The following ARID2 variants were observed in gnomAD, a reference collection of about 807,000 sequenced individuals.
ARID2 encodes the protein AT-rich interactive domain-containing protein 2.
ARID2 carries 32 observed loss-of-function variants against 184.6 expected under a neutral mutation model. The observed-to-expected ratio is 0.17, with a 90% CI of 0.13 to 0.23. The LOEUF (loss-of-function observed/expected upper bound fraction) is 0.23, where lower values mean the gene tolerates loss of function less well. Ranked by LOEUF, ARID2 falls within the 10% of genes least tolerant of loss-of-function variation. ARID2 has a pLI of 1.00. For synonymous variants in ARID2, 836 were observed against 772.6 expected (o/e 1.08, Z -1.36); for missense variants, 1,696 against 2,197.6 (o/e 0.77, Z 4.56).
At chr12:45,759,171 A>G (rs1277226555) in intron 3 of ARID2, among the ~76,000 whole-genome samples, 1 of 152,140 alleles carries the variant, frequency 6.6e-6, no homozygotes, top group African/African-American at 2.4e-5. Flanking sequence ...TTACTTTTTA[A>G]GTATATTGTA....
intron 16 of ARID2, among the ~76,000 whole-genome samples, chr12:45,863,259 A>G (rs996257373): frequency 6.6e-6 from 1 of 152,224 alleles, no homozygotes; most frequent in Non-Finnish European, 1.5e-5. Context: ...AGGACCTTGT[A>G]TGTCCAGGAA....
chr12:45,761,683 A>G (rs1190114730), intron 3 of ARID2, among the ~76,000 whole-genome samples: 1 of 151,520 alleles, frequency 6.6e-6, no homozygotes, highest in African/African-American at 2.4e-5. Flanking sequence ...ATTTTACTCC[A>G]GTACATTTAG....
chr12:45,754,302 T>C (rs1941522135), intron 3 of ARID2, among the ~76,000 whole-genome samples: 1 of 152,250 alleles, frequency 6.6e-6, no homozygotes, highest in African/African-American at 2.4e-5. Context: ...TAGTAGGTCG[T>C]AAAAGGCCCT....
Position 45,850,676 on chromosome 12 carries a change from A to G in ARID2, c.2553A>G (p.Pro851=), listed in dbSNP as rs1255139203. The change falls in exon 15 of 21, where the codon CCA becomes CCG. Residue 851 remains proline, a synonymous_variant. Transcript: ENST00000334344. The part of the protein sequence containing the change: ...QSQDTVIIAP[P]QYVTTSASNI... ...AAGATACTGTTATCATAGCACCCCC[A>G]CAGTATGTAACAACTTCTGCATCCA... 1 of 1,614,112 alleles carries G rather than the reference A, an allele frequency of 6.2e-7. No homozygotes were observed. The highest frequency in any genetic ancestry group is 1.1e-5 in the South Asian group (1 of 91,084).
At chr12:45,865,743 A>G (rs747280263) in intron 16 of ARID2, among the ~76,000 whole-genome samples, 5 of 151,942 alleles carry the variant, frequency 3.3e-5, no homozygotes, top group Non-Finnish European at 5.9e-5. Flanking sequence ...TTTTTCTTCA[A>G]TTTGTCACTG....
At chr12:45,747,706 G>A (rs1476944225) in intron 3 of ARID2, among the ~76,000 whole-genome samples, 1 of 152,064 alleles carries the variant, frequency 6.6e-6, no homozygotes, top group Non-Finnish European at 1.5e-5. Context: ...TTTTTGTGTG[G>A]TTTTATTAAA....
intron 16 of ARID2, among the ~76,000 whole-genome samples, chr12:45,885,449 A>G (rs1039520386): frequency 1.4e-4 from 21 of 152,162 alleles, no homozygotes; most frequent in African/African-American, 5.1e-4. Flanking sequence ...ATTTTAAGTC[A>G]GGTGAGTTTG....
intron 3 of ARID2, among the ~76,000 whole-genome samples, chr12:45,767,755 C>T (rs1941799518): frequency 6.6e-6 from 1 of 152,134 alleles, no homozygotes; most frequent in Non-Finnish European, 1.5e-5. Context: ...GTACATCTTC[C>T]TTGTTGAAGG....
chr12:45,826,190 T>G (rs1942997083), intron 6 of ARID2, among the ~76,000 whole-genome samples: 1 of 152,150 alleles, frequency 6.6e-6, no homozygotes, highest in Non-Finnish European at 1.5e-5. Context: ...GACTATATAT[T>G]AAACACTTTA....
chr12:45,837,028 G>A, intron 8 of ARID2, 37 bp downstream of exon 8: 1 of 1,586,160 alleles, frequency 6.3e-7, no homozygotes, highest in Non-Finnish European at 8.5e-7. Flanking sequence ...AGTTTTTATA[G>A]TTAGCAACAT....
At chr12:45,813,603 A>G (rs1942753024) in intron 4 of ARID2, among the ~76,000 whole-genome samples, 2 of 152,062 alleles carry the variant, frequency 1.3e-5, no homozygotes, top group South Asian at 4.1e-4. Flanking sequence ...GAATAAATGT[A>G]TTTATCCAGA....
At chr12:45,770,641 CCT>C (rs766745438) in intron 3 of ARID2, among the ~76,000 whole-genome samples, 6 of 152,128 alleles carry the variant, frequency 3.9e-5, no homozygotes, top group Non-Finnish European at 5.9e-5. Flanking sequence ...GGAAGTGGTC[CCT>C]CTCTCAGTGT....
At chr12:45,814,556 A>G (rs1942771293) in intron 4 of ARID2, among the ~76,000 whole-genome samples, 2 of 152,146 alleles carry the variant, frequency 1.3e-5, no homozygotes, top group Non-Finnish European at 1.5e-5. Flanking sequence ...AGGCTGAGGC[A>G]GGAGAATTGC....
rs747054553 is a variant in ARID2, at chr12:45,850,521, C to G, written c.2398C>G (p.His800Asp). Reference sequence around the variant, plus strand: ...AATTCAACAAGCTGTCCCACAGAGTCATATGTTTGGCAGAGTACAGAACAT... The same window carrying G: ...AATTCAACAAGCTGTCCCACAGAGTGATATGTTTGGCAGAGTACAGAACAT... ...TVIQQAVPQS[H>D]MFGRVQNIPA... The change falls in exon 15 of 21, where the codon CAT becomes GAT. Residue 800 changes from histidine (H) to aspartate (D), a missense_variant. Around this residue, in one of 11 missense-constraint regions of ARID2, gnomAD observed 713 missense variants for 824.4 expected, o/e 0.86. Transcript: ENST00000334344. 3.1e-6 allele frequency: 5 copies of G among 1,613,902 alleles called. No individual in the cohort carries two copies. The African/African-American group carries it at 6.7e-5, about 22-fold the overall frequency.
At chr12:45,786,979 G>C (rs1942206027) in intron 3 of ARID2, among the ~76,000 whole-genome samples, 1 of 152,138 alleles carries the variant, frequency 6.6e-6, no homozygotes, top group Admixed American at 6.5e-5. Flanking sequence ...CCAGAGGCTG[G>C]AAGTTGTGGA....
chr12:45,860,659 G>A, intron 15 of ARID2, 142 bp from the exon 16 acceptor site: 1 of 679,702 alleles, frequency 1.5e-6, no homozygotes, highest in Non-Finnish European at 2.0e-6. Context: ...AGATTTTAAA[G>A]GTAATCATAA....
chr12:45,898,641 C>T (rs569526158), intron 20 of ARID2, among the ~76,000 whole-genome samples: 14 of 152,104 alleles, frequency 9.2e-5, no homozygotes, highest in Non-Finnish European at 1.9e-4. Flanking sequence ...TTGGGCCAGA[C>T]GCGGTGGCTT....
chr12:45,740,532 A>G (rs1941231434), intron 3 of ARID2, among the ~76,000 whole-genome samples: 1 of 152,140 alleles, frequency 6.6e-6, no homozygotes, highest in Middle Eastern at 3.2e-3. Context: ...TTCATTGGAT[A>G]TTATTACAGT....
chr12:45,871,355 C>A (rs1182141711), intron 16 of ARID2, among the ~76,000 whole-genome samples: 1 of 152,064 alleles, frequency 6.6e-6, no homozygotes, highest in Non-Finnish European at 1.5e-5. Context: ...TGCTTTTCTG[C>A]GTCTATTGCT....
Sources: allele counts gnomAD v4.1 joint callset (sites outside exome capture counted in the v4.1 genomes callset), GRCh38; gene constraint gnomAD v4.1.1; regional missense constraint gnomAD v4.1.1; transcripts MANE v1.5; gene names NCBI Gene and HGNC (gene_info 2026-07-23, HGNC 2026-07-21).